Variants in ABI3BP observed in about 807,000 individuals in gnomAD.
ABI3BP encodes the protein target of Nesh-SH3.
A neutral mutation model predicts 268.6 loss-of-function variants in ABI3BP; 216 were observed. That is an observed-to-expected ratio of 0.80 (90% confidence interval 0.72 to 0.90). The LOEUF is 0.90. Among genes scored for constraint, ABI3BP ranks in the 40% least tolerant of loss-of-function variants. The pLI, the probability that ABI3BP is intolerant of heterozygous loss-of-function variation, is 0.00. For synonymous variants in ABI3BP, 730 were observed against 730.0 expected (o/e 1.00, Z 0.00); for missense variants, 2,090 against 2,182.4 (o/e 0.96, Z 0.84).
At chr3:100,902,545 G>T (rs2050932648) in intron 3 of ABI3BP, 73 bp downstream of exon 3, 1 of 1,413,188 alleles carries the variant, frequency 7.1e-7, no homozygotes, top group Non-Finnish European at 9.9e-7. Flanking sequence ...TTGGTCTCCA[G>T]GGGTCCAAAA....
At chr3:100,804,906 G>A in intron 50 of ABI3BP, 40 bp from the exon 51 acceptor site, 10 of 1,520,828 alleles carry the variant, frequency 6.6e-6, no homozygotes, top group Middle Eastern at 1.7e-4. Context: ...TTTGGTTTCA[G>A]CATCTTCCAG....
At chr3:100,970,541 A>G (rs768245150) in intron 1 of ABI3BP, among the ~76,000 whole-genome samples, 2 of 152,184 alleles carry the variant, frequency 1.3e-5, no homozygotes, top group Non-Finnish European at 2.9e-5. Context: ...AATTCAAGCA[A>G]TTTTTATTAA....
At chr3:100,856,885 G>A (rs1449530173) in intron 14 of ABI3BP, among the ~76,000 whole-genome samples, 1 of 152,146 alleles carries the variant, frequency 6.6e-6, no homozygotes, top group Non-Finnish European at 1.5e-5. Context: ...AGAAAACACA[G>A]CAAGTTGATA....
Position 100,835,584 on chromosome 3 carries a change from A to T in ABI3BP, c.2191+17T>A. Reference sequence around the variant, plus strand: ...GAGCAGAAAAAACTCATACTTAAAGACATAAGAGGTCATTACCTAATGTTG... The same window carrying T: ...GAGCAGAAAAAACTCATACTTAAAGTCATAAGAGGTCATTACCTAATGTTG... On this transcript the variant is annotated intron_variant, in intron 28 of 67. Transcript: ENST00000471714. 1 of 1,523,446 alleles carries T rather than the reference A, an allele frequency of 6.6e-7. No homozygotes were observed. Among genetic ancestry groups the T allele is most frequent in the South Asian group, 1.2e-5 (1 of 82,958 alleles). The allele number at this position is 1,523,446 out of a possible 1,614,324, so 94.4% of individuals were successfully genotyped here.
At position 100,816,674 on chromosome 3, in the gene ABI3BP, A is replaced by T. The variant is rs2098057781; in HGVS notation, c.3229+14T>A. The T allele has an allele frequency of 3.9e-6, 6 of 1,534,486 alleles. No individual in the cohort carries two copies. The highest frequency in any genetic ancestry group is 5.2e-6 in the Non-Finnish European group (6 of 1,145,384). ...GGTTCCTTGGCTACTTAAGCCAAGG[A>T]TTCATACATTTACCCGATTTGTTCT... On this transcript the variant is annotated intron_variant, in intron 43 of 67. Coordinates refer to ENST00000471714, the MANE Select transcript of ABI3BP (RefSeq NM_001375547.2).
chr3:100,835,507 T>C (rs2098561446), intron 28 of ABI3BP, 94 bp downstream of exon 28: 1 of 924,028 alleles, frequency 1.1e-6, no homozygotes, highest in African/African-American at 1.7e-5. Context: ...TGAGAAAATC[T>C]TATGAAAGAA....
chr3:100,801,856 CCTAT>C (rs1418876085), intron 51 of ABI3BP, among the ~76,000 whole-genome samples: 2 of 152,114 alleles, frequency 1.3e-5, no homozygotes, highest in Admixed American at 1.3e-4. Context: ...CATCCCAACT[CCTAT>C]TTTGACAAAA....
chr3:100,800,917 G>C (rs528089787), intron 51 of ABI3BP, among the ~76,000 whole-genome samples: 1 of 152,074 alleles, frequency 6.6e-6, no homozygotes, highest in Non-Finnish European at 1.5e-5. Context: ...TTACTTTTCT[G>C]TTATTTCATT....
intron 28 of ABI3BP, among the ~76,000 whole-genome samples, chr3:100,835,144 A>G (rs76433214): frequency 0.021 from 3,235 of 152,288 alleles, 100 homozygotes; most frequent in African/African-American, 0.074. Context: ...TGGCTCAGAC[A>G]CACATTCCAT....
intron 1 of ABI3BP, among the ~76,000 whole-genome samples, chr3:100,976,175 G>C (rs2086094737): frequency 6.6e-6 from 1 of 152,146 alleles, no homozygotes; most frequent in African/African-American, 2.4e-5. Flanking sequence ...AATGTTGTGA[G>C]AGAGCCCTCA....
intron 50 of ABI3BP, among the ~76,000 whole-genome samples, chr3:100,807,925 C>T (rs34617350): frequency 6.6e-6 from 1 of 151,908 alleles, no homozygotes; most frequent in African/African-American, 2.4e-5. Flanking sequence ...CCATTCATGT[C>T]CATCTCATCT....
chr3:100,827,748 TC>T (rs2098414821), intron 34 of ABI3BP, among the ~76,000 whole-genome samples: 1 of 152,112 alleles, frequency 6.6e-6, no homozygotes, highest in East Asian at 1.9e-4. Flanking sequence ...ATTTATTAAT[TC>T]AGATACTTAG....
rs1324327718 is a variant in ABI3BP, at chr3:100,795,812, G to A, written c.3857C>T (p.Thr1286Ile). Residue 1286 changes from threonine to isoleucine, a missense_variant, in exon 53 of 68, where the codon ACA becomes ATA. Coordinates refer to ENST00000471714, the MANE Select transcript of ABI3BP (RefSeq NM_001375547.2). ...PVTFRFEPPK[T>I]TIAPLETRGI... is the part of the protein sequence containing the mutation. ...TATGGGAAAACCATTACCTATTGTT[G>A]TCTTTGGTGGCTCAAATCTAAAGGT... 1 of 1,287,842 alleles carries A rather than the reference G, an allele frequency of 7.8e-7. No individual in the cohort carries two copies. Among genetic ancestry groups the A allele is most frequent in the Non-Finnish European group, 1.0e-6 (1 of 988,238 alleles). 79.8% of individuals were successfully genotyped at this position (1,287,842 alleles called of 1,614,324 possible). A position where few individuals can be genotyped will look rare whatever the true frequency, so the allele number is the denominator to read the frequency against.
chr3:100,882,266 G>T (rs1479578546), intron 6 of ABI3BP, among the ~76,000 whole-genome samples: 1 of 151,952 alleles, frequency 6.6e-6, no homozygotes, highest in Non-Finnish European at 1.5e-5. Flanking sequence ...GAAGAGATGG[G>T]TGAATAATTG....
intron 51 of ABI3BP, among the ~76,000 whole-genome samples, chr3:100,804,377 T>C (rs2097636691): frequency 6.6e-6 from 1 of 152,182 alleles, no homozygotes; most frequent in South Asian, 2.1e-4. Flanking sequence ...GTGGACATAG[T>C]ACAATTTATG....
At chr3:100,825,732 C>A (rs2098369042) in intron 35 of ABI3BP, 53 bp downstream of exon 35, 5 of 1,392,280 alleles carry the variant, frequency 3.6e-6, no homozygotes, top group East Asian at 2.5e-5. Flanking sequence ...ATGGACTGTA[C>A]AACAAGCAGC....
rs1311412320 is a variant in ABI3BP at position 100,862,320 on chromosome 3, G to A, written c.1276C>T (p.Pro426Ser). Residue 426 changes from proline (P) to serine (S), a missense_variant, in exon 14 of 68, where the codon CCT becomes TCT. By Grantham distance (74) the Pro-to-Ser change is moderately conservative. Coordinates refer to ENST00000471714, the MANE Select transcript of ABI3BP (RefSeq NM_001375547.2). ...AAAAGGATTTAATTACCAGTTTGAGGCTGCAGAACTTTGGAATCTTCAGAT... is the reference window on the plus strand; with the variant it reads ...AAAAGGATTTAATTACCAGTTTGAGACTGCAGAACTTTGGAATCTTCAGAT... ...KISEDSKVLQ[P>S]QTATYDVFSS... 6.3e-7 allele frequency: 1 copy of A among 1,598,492 alleles called. No homozygotes were observed. Among genetic ancestry groups the A allele is most frequent in the South Asian group, 1.1e-5 (1 of 87,070 alleles).
At chr3:100,801,960 C>T (rs1164817406) in intron 51 of ABI3BP, among the ~76,000 whole-genome samples, 1 of 152,140 alleles carries the variant, frequency 6.6e-6, no homozygotes, top group African/African-American at 2.4e-5. Context: ...AGAAAAAATA[C>T]ATTTATTAGG....
chr3:100,800,963 T>A (rs1346725455), intron 51 of ABI3BP, among the ~76,000 whole-genome samples: 1 of 152,224 alleles, frequency 6.6e-6, no homozygotes, highest in South Asian at 2.1e-4. Flanking sequence ...ATTACTGAGA[T>A]TTGCCTTGTT....
Sources: allele counts gnomAD v4.1 joint callset (sites outside exome capture counted in the v4.1 genomes callset), GRCh38; gene constraint gnomAD v4.1.1; transcripts MANE v1.5; gene names NCBI Gene and HGNC (gene_info 2026-07-23, HGNC 2026-07-21).